The following PLD1 variants were observed in gnomAD, a reference collection of about 807,000 sequenced individuals.
PLD1 encodes phospholipase D1, also known as choline phosphatase 1.
In PLD1, 112 loss-of-function variants were observed where a neutral mutation model predicts 137.1. The observed-to-expected ratio is 0.82, with a 90% CI of 0.70 to 0.96. PLD1 has a LOEUF of 0.96. Among genes scored for constraint, PLD1 ranks in the 40% least tolerant of loss-of-function variants. The probability of loss-of-function intolerance (pLI) is 0.00; values close to 1 mark genes in which losing one functional copy is unlikely to be tolerated. For synonymous variants in PLD1, 431 were observed against 454.7 expected (o/e 0.95, Z 0.66); for missense variants, 1,321 against 1,342.0 (o/e 0.98, Z 0.24).
chr3:171,726,785 G>A (rs183315660), intron 6 of PLD1, among the ~76,000 whole-genome samples: 1 of 152,232 alleles, frequency 6.6e-6, no homozygotes, highest in Admixed American at 6.5e-5. Context: ...CTATGAGTTG[G>A]TGTTATGCTA....
At position 171,612,580 on chromosome 3, in the gene PLD1, T is replaced by G; in HGVS notation, c.2729-148A>C. The G allele has an allele frequency of 1.5e-6, 1 of 673,422 alleles. No individual in the cohort carries two copies. Among genetic ancestry groups the G allele is most frequent in the Non-Finnish European group, 2.6e-6 (1 of 386,880 alleles). The allele number at this position is 673,422 out of a possible 1,614,324, so 41.7% of individuals were successfully genotyped here. On this transcript the variant is annotated intron_variant, in intron 24 of 26. Transcript: ENST00000351298. This position sits in a 1 kb window ranked among gnomAD's most constrained non-coding sequence, Gnocchi z 4.1. ...ATGTGTTTTTAGGGAGGTGGGGCCC[T>G]CCCTAACCCAGGGGTGAATCTTAAT...
rs760458250 is a variant in PLD1, at chr3:171,699,779, C to T, written c.1193G>A (p.Arg398His). 7.4e-6 allele frequency: 12 copies of T among 1,613,884 alleles called. No homozygotes were observed. The highest frequency in any genetic ancestry group is 2.2e-5 in the East Asian group (1 of 44,890). The change falls in exon 12 of 27, where the codon CGT becomes CAT. Residue 398 changes from arginine to histidine, a missense_variant. Transcript: ENST00000351298. Reference sequence around the variant, plus strand: ...TTTAAGAATGCAGTCCAACCTCCAACGATTTCCCTCAACCACTGGGCGTTT... The same window carrying T: ...TTTAAGAATGCAGTCCAACCTCCAATGATTTCCCTCAACCACTGGGCGTTT... ...FLKRPVVEGN[R>H]WRLDCILKRK...
chr3:171,724,223 T>A (rs1718341488), intron 8 of PLD1, among the ~76,000 whole-genome samples: 1 of 152,262 alleles, frequency 6.6e-6, no homozygotes, highest in Non-Finnish European at 1.5e-5. Context: ...TTTTCCAAAG[T>A]GGCTGCACCA....
At chr3:171,669,648 G>A (rs1256813260) in intron 19 of PLD1, among the ~76,000 whole-genome samples, 1 of 152,206 alleles carries the variant, frequency 6.6e-6, no homozygotes, top group African/African-American at 2.4e-5. Context: ...TAATCCACCT[G>A]CCTTGGCCTC....
At chr3:171,810,175 A>T (rs984904735) in intron 1 of PLD1, among the ~76,000 whole-genome samples, 126 of 152,314 alleles carry the variant, frequency 8.3e-4, no homozygotes, top group Admixed American at 2.4e-3. Flanking sequence ...TGCGTGCCAG[A>T]GTTGTCAGCT....
At chr3:171,800,149 G>A (rs146284493) in intron 1 of PLD1, among the ~76,000 whole-genome samples, 4 of 152,200 alleles carry the variant, frequency 2.6e-5, no homozygotes, top group South Asian at 2.1e-4. Context: ...TTTGAAACTC[G>A]CTATAATAGC....
At chr3:171,670,945 C>G (rs1712678775) in intron 19 of PLD1, among the ~76,000 whole-genome samples, 1 of 152,166 alleles carries the variant, frequency 6.6e-6, no homozygotes, top group South Asian at 2.1e-4. Flanking sequence ...AAGTCATTAA[C>G]ACCTGTACTT....
At chr3:171,629,384 T>A (rs998871303) in intron 23 of PLD1, among the ~76,000 whole-genome samples, 18 of 152,034 alleles carry the variant, frequency 1.2e-4, no homozygotes, top group African/African-American at 4.4e-4. Flanking sequence ...AATGGAAGAA[T>A]ATTCCATGCT....
At chr3:171,642,768 A>G in intron 23 of PLD1, 72 bp downstream of exon 23, 1 of 823,178 alleles carries the variant, frequency 1.2e-6, no homozygotes, top group Admixed American at 2.4e-5. Context: ...ACACTGTGAA[A>G]ACATTAATGA....
In PLD1 at chr3:171,686,684, C is replaced by A. The variant is rs775272868; in HGVS notation, c.1867+1G>T. On this transcript the variant is annotated splice_donor_variant, in intron 16 of 26. Coordinates refer to ENST00000351298, the MANE Select transcript of PLD1 (RefSeq NM_002662.5). LOFTEE classifies it high-confidence loss of function. ...GTTCTGCCACTTCACAAATTACTTA[C>A]CAGCATGAGGTCTAGTGAGTCCTTG... is the stretch of plus-strand genomic sequence containing the variant. 24 of 1,492,874 alleles carry A rather than the reference C, an allele frequency of 1.6e-5. No homozygotes were observed. The highest frequency in any genetic ancestry group is 1.4e-5 in the Non-Finnish European group (15 of 1,079,784). The allele number at this position is 1,492,874 out of a possible 1,614,324, so 92.5% of individuals were successfully genotyped here.
intron 16 of PLD1, among the ~76,000 whole-genome samples, chr3:171,680,239 C>CTTTTTTTTT (rs1713826844): frequency 7.1e-6 from 1 of 140,872 alleles, no homozygotes; most frequent in African/African-American, 2.7e-5. Context: ...TCTTTTTCTT[C>CTTTTTTTTT]CTCTTTTTTT....
At position 171,644,982 on chromosome 3, in the gene PLD1, A is replaced by C. The variant is rs747584140; in HGVS notation, c.2471T>G (p.Leu824Arg). The C allele has an allele frequency of 2.0e-5, 32 of 1,613,912 alleles. No homozygotes were observed. Among genetic ancestry groups the C allele is most frequent in the Non-Finnish European group, 1.7e-6 (2 of 1,179,874 alleles). Reference sequence around the variant, plus strand: ...TGAAATGTCTCCTTCGAACCCTGGCAGAAGTGGTATCACGACATATACCCG... The same window carrying C: ...TGAAATGTCTCCTTCGAACCCTGGCCGAAGTGGTATCACGACATATACCCG... Reference protein sequence around the residue: ...KYRVYVVIPLLPGFEGDISTG... With the variant: ...KYRVYVVIPLRPGFEGDISTG... The change falls in exon 22 of 27, where the codon CTG becomes CGG. Residue 824 changes from leucine (L) to arginine (R), a missense_variant. Leu to Arg is a moderately radical substitution (Grantham distance 102, BLOSUM62 -2). Coordinates refer to ENST00000351298, the MANE Select transcript of PLD1 (RefSeq NM_002662.5).
intron 16 of PLD1, among the ~76,000 whole-genome samples, chr3:171,679,963 C>T (rs148145300): frequency 2.7e-4 from 41 of 152,278 alleles, no homozygotes; most frequent in African/African-American, 9.6e-4. Context: ...TTGCACCTGC[C>T]TTGTCTTTTG....
intron 1 of PLD1, among the ~76,000 whole-genome samples, chr3:171,748,182 T>C (rs1288479532): frequency 6.6e-6 from 1 of 152,214 alleles, no homozygotes; most frequent in Non-Finnish European, 1.5e-5. Context: ...TTATAAAGAT[T>C]TGTATTTGAA....
intron 6 of PLD1, among the ~76,000 whole-genome samples, chr3:171,733,077 T>C (rs535660080): frequency 6.6e-6 from 1 of 152,300 alleles, no homozygotes; most frequent in South Asian, 2.1e-4. Context: ...CACTCAACTG[T>C]TTTCATCACT....
intron 25 of PLD1, chr3:171,611,615 C>A (rs746317567): frequency 5.8e-6 from 3 of 518,956 alleles, no homozygotes; most frequent in Non-Finnish European, 1.2e-5. Context: ...GGATCTTCGA[C>A]ACCTGGAGTC....
chr3:171,712,130 T>C (rs1307089001), intron 9 of PLD1, among the ~76,000 whole-genome samples: 1 of 152,230 alleles, frequency 6.6e-6, no homozygotes, highest in East Asian at 1.9e-4. Flanking sequence ...AGATTAGCCA[T>C]GTCCAACCTG....
At chr3:171,760,627 C>A (rs1721329535) in intron 1 of PLD1, among the ~76,000 whole-genome samples, 1 of 152,156 alleles carries the variant, frequency 6.6e-6, no homozygotes, top group South Asian at 2.1e-4. Context: ...CAGTGCAATC[C>A]AAGGTGTCTG....
chr3:171,723,354 T>C (rs114905281), intron 8 of PLD1, among the ~76,000 whole-genome samples: 1 of 152,344 alleles, frequency 6.6e-6, no homozygotes, highest in African/African-American at 2.4e-5. Flanking sequence ...TATGTACATT[T>C]TCTTTATCCA....
Sources: allele counts gnomAD v4.1 joint callset (sites outside exome capture counted in the v4.1 genomes callset), GRCh38; gene constraint gnomAD v4.1.1; non-coding constraint Gnocchi (gnomAD v3.1); transcripts MANE v1.5; gene names NCBI Gene and HGNC (gene_info 2026-07-23, HGNC 2026-07-21).